TTC27: variants seen among roughly 807,000 people sequenced by gnomAD.
TTC27 encodes the protein tetratricopeptide repeat protein 27.
TTC27 carries 79 observed loss-of-function variants against 115.9 expected under a neutral mutation model. The ratio of observed to expected loss-of-function variants is 0.68; its 90% CI spans 0.57 to 0.82. TTC27 has a LOEUF of 0.82. Ranked by LOEUF, TTC27 falls within the 40% of genes least tolerant of loss-of-function variation. TTC27 has a pLI of 0.00. For synonymous variants in TTC27, 401 were observed against 356.0 expected, an observed-to-expected ratio of 1.13 and a Z score of -1.42; for missense variants, 1,054 against 993.1, an observed-to-expected ratio of 1.06 and a Z score of -0.82.
chr2:32,783,489 G>A (rs565691400), intron 15 of TTC27, among the ~76,000 whole-genome samples: 2 of 152,368 alleles, frequency 1.3e-5, no homozygotes, highest in African/African-American at 4.8e-5. Context: ...GTAGGTTGAA[G>A]TAAAATTGCT....
chr2:32,757,233 TGAAAAAG>T (rs1191836905), intron 12 of TTC27, among the ~76,000 whole-genome samples: 36 of 152,280 alleles, frequency 2.4e-4, no homozygotes, highest in African/African-American at 8.2e-4. Context: ...CATACCGTTT[TGAAAAAG>T]GAAAAACATG....
At position 32,628,235 on chromosome 2, in the gene TTC27, G is replaced by T; in HGVS notation, c.-58G>T. 6.6e-7 allele frequency: 1 copy of T among 1,523,202 alleles called. No individual in the cohort carries two copies. The highest frequency in any genetic ancestry group is 9.0e-7 in the Non-Finnish European group (1 of 1,114,738). The allele number at this position is 1,523,202 out of a possible 1,614,324, so 94.4% of individuals were successfully genotyped here. On this transcript the variant is annotated 5_prime_UTR_variant, in exon 1 of 20. Transcript: ENST00000317907. Reference sequence around the variant, plus strand: ...GACTCTCCTGTTTTCACTTTCTTTTGTTGACTCCCGTGTGGCCCTCGTGGG... The same window carrying T: ...GACTCTCCTGTTTTCACTTTCTTTTTTTGACTCCCGTGTGGCCCTCGTGGG...
chr2:32,696,456 A>AT (rs201456509), intron 9 of TTC27, among the ~76,000 whole-genome samples: 7 of 150,820 alleles, frequency 4.6e-5, no homozygotes, highest in Admixed American at 1.3e-4. Flanking sequence ...CGCCCAGCTA[A>AT]TTTTTTTGTG....
intron 13 of TTC27, among the ~76,000 whole-genome samples, chr2:32,767,755 C>T (rs985013252): frequency 3.3e-5 from 5 of 152,038 alleles, no homozygotes; most frequent in African/African-American, 1.2e-4. Flanking sequence ...GCCACCGCGC[C>T]CGGCCATTAT....
chr2:32,756,093 A>G (rs940665012), intron 12 of TTC27, among the ~76,000 whole-genome samples: 3 of 152,220 alleles, frequency 2.0e-5, no homozygotes, highest in African/African-American at 7.2e-5. Context: ...CCAGGAGTAC[A>G]TTGCCTGAAA....
At chr2:32,745,837 G>A (rs1668807465) in intron 12 of TTC27, among the ~76,000 whole-genome samples, 1 of 152,130 alleles carries the variant, frequency 6.6e-6, no homozygotes, top group African/African-American at 2.4e-5. Flanking sequence ...TCCTTTGGAT[G>A]CTCATCTACC....
intron 16 of TTC27, among the ~76,000 whole-genome samples, chr2:32,810,464 G>A (rs781091544): frequency 5.9e-5 from 9 of 152,220 alleles, no homozygotes; most frequent in South Asian, 2.1e-4. Flanking sequence ...TGTGGCAGAA[G>A]TGGGAGATAA....
intron 16 of TTC27, among the ~76,000 whole-genome samples, chr2:32,796,034 G>A (rs1326855913): frequency 1.3e-5 from 2 of 152,154 alleles, no homozygotes; most frequent in Non-Finnish European, 2.9e-5. Context: ...GTTTGCAGAT[G>A]ATGTGATCTT....
At chr2:32,719,897 G>C (rs892101410) in intron 10 of TTC27, among the ~76,000 whole-genome samples, 1 of 152,098 alleles carries the variant, frequency 6.6e-6, no homozygotes, top group African/African-American at 2.4e-5. Context: ...GCCAAATATT[G>C]ATCATGAGGG....
chr2:32,723,971 CTTTT>C (rs36120062), intron 10 of TTC27, among the ~76,000 whole-genome samples: 1 of 92,436 alleles, frequency 1.1e-5, no homozygotes, highest in Admixed American at 1.1e-4. Context: ...CATACATAAG[CTTTT>C]TTTTTTTTTT....
chr2:32,787,114 C>T lies in TTC27; in HGVS notation c.1963C>T (p.Leu655Phe), dbSNP rs1435097182. Residue 655 changes from leucine (L) to phenylalanine (F), a missense_variant, in exon 16 of 20, where the codon CTC (leucine) becomes TTC (phenylalanine). Transcript: ENST00000317907. The stretch of plus-strand genomic sequence containing the variant: ...AGAAGCCATTAAAGCTTATCACCGG[C>T]TCTTGGACTTACGTGACAAATACAA... ...FSEAIKAYHR[L>F]LDLRDKYKDV... 1.2e-6 allele frequency: 2 copies of T among 1,613,320 alleles called. No homozygotes were observed. The highest frequency in any genetic ancestry group is 1.1e-5 in the South Asian group (1 of 90,808).
At chr2:32,754,207 G>A (rs1411461079) in intron 12 of TTC27, among the ~76,000 whole-genome samples, 6 of 150,428 alleles carry the variant, frequency 4.0e-5, no homozygotes, top group Non-Finnish European at 1.5e-5. Flanking sequence ...GATTTGCCAG[G>A]GTCATAGGAC....
chr2:32,758,430 C>A lies in TTC27; in HGVS notation c.1591C>A (p.Arg531Ser). 6.2e-7 allele frequency: 1 copy of A among 1,614,162 alleles called. No individual in the cohort carries two copies. The highest frequency in any genetic ancestry group is 8.5e-7 in the Non-Finnish European group (1 of 1,180,026). Residue 531 changes from arginine to serine, a missense_variant, in exon 13 of 20, where the codon CGC (arginine) becomes AGC (serine). Transcript: ENST00000317907. ...CCGGTACCGCAGTGCTCGTGCTCAG[C>A]GCTCCAAAGCCCTCCTTCATCTTCG... is the stretch of plus-strand genomic sequence containing the variant. ...LSRYRSARAQ[R>S]SKALLHLRNK...
At chr2:32,806,893 TTTC>T (rs1318854385) in intron 16 of TTC27, among the ~76,000 whole-genome samples, 2 of 152,252 alleles carry the variant, frequency 1.3e-5, no homozygotes, top group African/African-American at 4.8e-5. Flanking sequence ...TTTATGAGGT[TTTC>T]TTAAGTACAG....
intron 13 of TTC27, among the ~76,000 whole-genome samples, chr2:32,775,298 C>T (rs1370054867): frequency 1.3e-5 from 2 of 152,080 alleles, no homozygotes; most frequent in African/African-American, 2.4e-5. Context: ...CCTGGGTTCA[C>T]GCCATTCTCC....
intron 7 of TTC27, 145 bp downstream of exon 7, chr2:32,666,913 A>C: frequency 1.0e-6 from 1 of 987,556 alleles, no homozygotes; most frequent in Non-Finnish European, 1.4e-6. Flanking sequence ...TGAGTCAGGG[A>C]GAACTGGTGT....
intron 10 of TTC27, among the ~76,000 whole-genome samples, chr2:32,704,465 G>A (rs1667298106): frequency 6.6e-6 from 1 of 152,128 alleles, no homozygotes; most frequent in African/African-American, 2.4e-5. Flanking sequence ...TAGGATTACA[G>A]GCATGAGCTG....
chr2:32,797,272 G>A (rs1273125905), intron 16 of TTC27, among the ~76,000 whole-genome samples: 3 of 151,644 alleles, frequency 2.0e-5, no homozygotes, highest in East Asian at 1.9e-4. Flanking sequence ...TTTGAACTCC[G>A]GGGCTCAAGC....
intron 8 of TTC27, among the ~76,000 whole-genome samples, chr2:32,674,582 T>G (rs1369858386): frequency 6.6e-6 from 1 of 152,320 alleles, no homozygotes; most frequent in East Asian, 1.9e-4. Context: ...CTTTTTATTT[T>G]AAAATGGATC....
Sources: allele counts gnomAD v4.1 joint callset (sites outside exome capture counted in the v4.1 genomes callset), GRCh38; gene constraint gnomAD v4.1.1; transcripts MANE v1.5; gene names NCBI Gene and HGNC (gene_info 2026-07-23, HGNC 2026-07-21).